EXOC4: variants seen among roughly 807,000 people sequenced by gnomAD.
The protein encoded by EXOC4 is SEC8-like 1.
A neutral mutation model predicts 107.2 loss-of-function variants in EXOC4; 71 were observed. That is an observed-to-expected ratio of 0.66 (90% confidence interval 0.55 to 0.81). The LOEUF (loss-of-function observed/expected upper bound fraction) is 0.81, where lower values mean the gene tolerates loss of function less well. EXOC4 is among the 30% of genes least tolerant of loss of function. EXOC4 has a pLI of 0.00. For synonymous variants in EXOC4, 456 were observed against 441.2 expected (o/e 1.03, Z -0.42); for missense variants, 1,108 against 1,189.6 (o/e 0.93, Z 1.01).
intron 10 of EXOC4, among the ~76,000 whole-genome samples, chr7:133,812,805 A>G (rs1462067337): frequency 3.3e-5 from 5 of 152,040 alleles, no homozygotes; most frequent in African/African-American, 9.7e-5. Context: ...GTTACTAACT[A>G]TAGTCACCAT....
At chr7:133,487,895 A>AT (rs1237068344) in intron 9 of EXOC4, among the ~76,000 whole-genome samples, 1 of 152,130 alleles carries the variant, frequency 6.6e-6, no homozygotes, top group Non-Finnish European at 1.5e-5. Flanking sequence ...CTTATTAGAC[A>AT]TTTTTTAGGC....
At chr7:134,025,948 A>G (rs1795129042) in intron 17 of EXOC4, among the ~76,000 whole-genome samples, 1 of 152,130 alleles carries the variant, frequency 6.6e-6, no homozygotes, top group African/African-American at 2.4e-5. Context: ...TTATCTTTGG[A>G]ATTTAGTCAC....
chr7:133,540,256 A>G (rs1800352955), intron 9 of EXOC4, among the ~76,000 whole-genome samples: 1 of 152,194 alleles, frequency 6.6e-6, no homozygotes, highest in Non-Finnish European at 1.5e-5. Flanking sequence ...ATCTGTGGTA[A>G]ACCACATACC....
At chr7:133,453,506 TAATTA>T (rs1174987471) in intron 7 of EXOC4, among the ~76,000 whole-genome samples, 1 of 152,210 alleles carries the variant, frequency 6.6e-6, no homozygotes, top group Non-Finnish European at 1.5e-5. Flanking sequence ...TGTTTTAACT[TAATTA>T]AACTGTCATT....
intron 7 of EXOC4, among the ~76,000 whole-genome samples, chr7:133,451,056 T>C (rs1034371403): frequency 6.6e-6 from 1 of 152,188 alleles, no homozygotes; most frequent in Non-Finnish European, 1.5e-5. Context: ...AAAGGCTTTT[T>C]GTACCTACTT....
At chr7:133,670,583 TA>T (rs1309613600) in intron 10 of EXOC4, among the ~76,000 whole-genome samples, 3 of 152,202 alleles carry the variant, frequency 2.0e-5, no homozygotes, top group Non-Finnish European at 4.4e-5. Context: ...CTAGATGCGC[TA>T]ATTGTGTTTC....
intron 12 of EXOC4, among the ~76,000 whole-genome samples, chr7:133,904,292 G>A (rs544193562): frequency 6.6e-6 from 1 of 152,338 alleles, no homozygotes; most frequent in South Asian, 2.1e-4. Context: ...CAGGGAAGTA[G>A]CGGTGGAGGA....
intron 9 of EXOC4, among the ~76,000 whole-genome samples, chr7:133,550,496 A>G (rs535221183): frequency 6.6e-5 from 10 of 152,336 alleles, no homozygotes; most frequent in African/African-American, 1.4e-4. Context: ...TATAAAATCT[A>G]TATCTCAGAG....
intron 17 of EXOC4, among the ~76,000 whole-genome samples, chr7:134,013,513 G>A (rs1021542968): frequency 6.6e-6 from 1 of 152,108 alleles, no homozygotes; most frequent in African/African-American, 2.4e-5. Flanking sequence ...AAAACCAAGA[G>A]GCCCTGAATG....
intron 7 of EXOC4, among the ~76,000 whole-genome samples, chr7:133,377,126 T>C (rs888552675): frequency 2.0e-5 from 3 of 151,958 alleles, no homozygotes; most frequent in Non-Finnish European, 4.4e-5. Context: ...CTGAGGTAGG[T>C]GGATCATTTG....
intron 10 of EXOC4, among the ~76,000 whole-genome samples, chr7:133,649,798 G>T (rs1167667698): frequency 1.3e-5 from 2 of 151,996 alleles, no homozygotes; most frequent in Non-Finnish European, 2.9e-5. Context: ...AGGGTGGCTT[G>T]GTAGGAATGT....
rs144879162 is a variant in EXOC4, at chr7:133,638,863, T to C, written c.1514+8722T>C. On this transcript the variant is annotated intron_variant, in intron 10 of 17. Coordinates refer to ENST00000253861, the MANE Select transcript of EXOC4 (RefSeq NM_021807.4). ...GATATTTTAGATGCAGGTTTTCGTC[T>C]CTTTATCAATTATTTTTTTTTATTA... 4.8e-3 allele frequency among the ~76,000 whole-genome samples: 731 copies of C among 151,670 alleles called. 3 individuals carry two copies. The highest frequency in any genetic ancestry group is 0.017 in the Middle Eastern group (5 of 292).
At position 133,656,536 on chromosome 7, in the gene EXOC4, G is replaced by C. The variant is rs150347700; in HGVS notation, c.1514+26395G>C. 3.5e-3 allele frequency among the ~76,000 whole-genome samples: 534 copies of C among 152,204 alleles called. 2 individuals are homozygous for C. The highest frequency in any genetic ancestry group is 0.012 in the African/African-American group (510 of 41,526). On this transcript the variant is annotated intron_variant, in intron 10 of 17. Transcript: ENST00000253861. The stretch of plus-strand genomic sequence containing the variant: ...TGAGTGATCCTATTAAGGTAATAAT[G>C]CAAATGAGACAACAGCCAACTACTA...
At chr7:133,799,553 CA>C (rs757971650) in intron 10 of EXOC4, among the ~76,000 whole-genome samples, 11 of 152,016 alleles carry the variant, frequency 7.2e-5, no homozygotes, top group Non-Finnish European at 1.5e-4. Flanking sequence ...AGCAAAAGGA[CA>C]AGGACAGAAA....
At chr7:133,953,760 A>G (rs1800748759) in intron 14 of EXOC4, among the ~76,000 whole-genome samples, 1 of 152,244 alleles carries the variant, frequency 6.6e-6, no homozygotes, top group Admixed American at 6.5e-5. Flanking sequence ...CTTGTTCTCT[A>G]GATCAGCTGT....
chr7:134,096,365 T>C, the EXOC4 span, among the ~76,000 whole-genome samples: 1 of 152,210 alleles, frequency 6.6e-6, no homozygotes, highest in Non-Finnish European at 1.5e-5. Flanking sequence ...ATGTTGAATG[T>C]GATTTTCTTC....
intron 10 of EXOC4, among the ~76,000 whole-genome samples, chr7:133,721,321 G>T (rs1156760344): frequency 6.6e-6 from 1 of 152,126 alleles, no homozygotes; most frequent in Non-Finnish European, 1.5e-5. Context: ...AGTGTTACCT[G>T]TTTGAGATTC....
chr7:133,991,316 GTTGT>G (rs1394712716), intron 14 of EXOC4, among the ~76,000 whole-genome samples: 8 of 151,816 alleles, frequency 5.3e-5, no homozygotes, highest in South Asian at 4.2e-4. Flanking sequence ...TTGCTATTGA[GTTGT>G]TTGAGTCCCT....
At chr7:133,872,016 A>G (rs2116399306) in intron 11 of EXOC4, among the ~76,000 whole-genome samples, 1 of 152,284 alleles carries the variant, frequency 6.6e-6, no homozygotes, top group African/African-American at 2.4e-5. Context: ...ACAGCAACAG[A>G]ACACATGAGA....
Sources: gnomAD v4.1 joint callset for allele counts (sites outside exome capture counted in the v4.1 genomes callset) on GRCh38, gnomAD v4.1.1 for gene constraint, MANE v1.5 for transcripts, NCBI Gene and HGNC (gene_info 2026-07-23, HGNC 2026-07-21) for gene names.